The following FARP1 variants were observed in gnomAD, a reference collection of about 807,000 sequenced individuals.
The protein encoded by FARP1 is FERM, ARH/RhoGEF and pleckstrin domain protein 1.
FARP1 carries 52 observed loss-of-function variants against 128.8 expected under a neutral mutation model. The ratio of observed to expected loss-of-function variants is 0.40; its 90% confidence interval spans 0.32 to 0.51. FARP1 has a LOEUF of 0.51. Among genes scored for constraint, FARP1 ranks in the 20% least tolerant of loss-of-function variants. The probability of loss-of-function intolerance (pLI) is 0.45; values close to 1 mark genes in which losing one functional copy is unlikely to be tolerated. For synonymous variants in FARP1, 580 were observed against 551.8 expected, an observed-to-expected ratio of 1.05 and a Z score of -0.72; for missense variants, 1,333 against 1,367.9, an observed-to-expected ratio of 0.97 and a Z score of 0.40.
At chr13:98,425,507 G>C (rs1445809022) in intron 17 of FARP1, 1 of 152,498 alleles carries the variant, frequency 6.6e-6, no homozygotes, top group African/African-American at 2.4e-5. Context: ...CCATTCTCCT[G>C]CCTCAGCTTC....
At position 98,447,215 on chromosome 13, in the gene FARP1, G is replaced by C. The variant is rs114643063; in HGVS notation, c.3056+398G>C. On this transcript the variant is annotated intron_variant, in intron 26 of 26. Transcript: ENST00000319562. ...GTTCCTGCAATTCATATTTTGAATA[G>C]AGATCCTGGGCCTCTGCAAATTGCA... is the stretch of plus-strand genomic sequence containing the variant. 8.2e-3 allele frequency: 1,328 copies of C among 161,960 alleles called. 20 individuals are homozygous for C. The highest frequency in any genetic ancestry group is 0.03 in the African/African-American group (1,273 of 41,900). The allele number at this position is 161,960 out of a possible 1,614,324, so 10.0% of individuals were successfully genotyped here.
intron 1 of FARP1, among the ~76,000 whole-genome samples, chr13:98,203,388 G>T (rs1670316265): frequency 6.6e-6 from 1 of 152,160 alleles, no homozygotes; most frequent in South Asian, 2.1e-4. Context: ...AATTCTTTGT[G>T]CCCTTTGCTG....
chr13:98,346,840 G>C (rs7991914), intron 3 of FARP1, among the ~76,000 whole-genome samples: 16,180 of 152,234 alleles, frequency 0.11, 1,118 homozygotes, highest in African/African-American at 0.19. Flanking sequence ...AGGGTCTTGG[G>C]TGTGTTCTCT....
intron 7 of FARP1, 32 bp from the exon 8 acceptor site, chr13:98,385,635 C>T: frequency 4.3e-6 from 7 of 1,612,916 alleles, no homozygotes; most frequent in Non-Finnish European, 5.1e-6. Context: ...TTCAAATCTC[C>T]TGGCCTTTCT....
chr13:98,442,159 G>A (rs1231860651), intron 24 of FARP1, among the ~76,000 whole-genome samples: 2 of 152,220 alleles, frequency 1.3e-5, no homozygotes, highest in East Asian at 3.9e-4. Flanking sequence ...CTGCAGTCGA[G>A]GCAGGACTCC....
chr13:98,224,093 G>A (rs939056688), intron 2 of FARP1, among the ~76,000 whole-genome samples: 1 of 152,198 alleles, frequency 6.6e-6, no homozygotes, highest in Non-Finnish European at 1.5e-5. Context: ...AAGACTGAGT[G>A]TGTAAAGCAT....
chr13:98,373,310 A>C (rs577522555), intron 5 of FARP1, among the ~76,000 whole-genome samples: 1 of 152,300 alleles, frequency 6.6e-6, no homozygotes, highest in South Asian at 2.1e-4. Flanking sequence ...TTCAGAATGT[A>C]ATTTTAAAAC....
intron 1 of FARP1, among the ~76,000 whole-genome samples, chr13:98,185,659 T>C (rs960604596): frequency 2.7e-4 from 41 of 152,074 alleles, no homozygotes; most frequent in African/African-American, 9.6e-4. Flanking sequence ...TTTTTTTTTT[T>C]TGGCTGTGGT....
chr13:98,250,566 C>A (rs1406822240), intron 2 of FARP1, among the ~76,000 whole-genome samples: 1 of 151,894 alleles, frequency 6.6e-6, no homozygotes, highest in Non-Finnish European at 1.5e-5. Context: ...GCTAAAAATA[C>A]AAAAATTAGC....
intron 1 of FARP1, among the ~76,000 whole-genome samples, chr13:98,191,799 T>C (rs190567215): frequency 3.3e-5 from 5 of 152,202 alleles, no homozygotes; most frequent in African/African-American, 1.2e-4. Flanking sequence ...AAAAGTTAGC[T>C]GGGTGTGGTG....
Position 98,257,723 on chromosome 13 carries a change from T to C in FARP1, c.171+44310T>C, listed in dbSNP as rs148221863. Among the ~76,000 whole-genome samples the C allele has an allele frequency of 8.9e-3, 1,355 of 152,076 alleles. 25 individuals carry two copies. Among genetic ancestry groups the C allele is most frequent in the African/African-American group, 0.031 (1,297 of 41,472 alleles). On this transcript the variant is annotated intron_variant, in intron 2 of 26. Transcript: ENST00000319562. ...AGGCGGAGGTTGTAGTGAGCCGAGA[T>C]TGCACCACTGCACTCCAGCCTGGAT...
chr13:98,176,161 T>C lies in FARP1; in HGVS notation c.-24+32669T>C. Reference sequence around the variant, plus strand: ...CAGTGTACATACAGACTTGAGTCTTTCTTATCTCTTTTTTCCTAAAAGAAC... The same window carrying C: ...CAGTGTACATACAGACTTGAGTCTTCCTTATCTCTTTTTTCCTAAAAGAAC... On this transcript the variant is annotated intron_variant, in intron 1 of 26. Transcript: ENST00000319562. This position sits in a 1 kb window ranked among gnomAD's most constrained non-coding sequence, Gnocchi z 6.2. 6.2e-7 allele frequency: 1 copy of C among 1,608,836 alleles called. No individual in the cohort carries two copies. The highest frequency in any genetic ancestry group is 8.5e-7 in the Non-Finnish European group (1 of 1,175,544).
intron 2 of FARP1, among the ~76,000 whole-genome samples, chr13:98,313,109 T>TACACACACAC (rs10565192): frequency 7.2e-6 from 1 of 138,276 alleles, no homozygotes; most frequent in African/African-American, 2.7e-5. Context: ...TGGGTCATAA[T>TACACACACAC]ACACACACAC....
chr13:98,286,957 AT>A (rs1466231097), intron 2 of FARP1, among the ~76,000 whole-genome samples: 1 of 152,162 alleles, frequency 6.6e-6, no homozygotes, highest in Admixed American at 6.5e-5. Context: ...AGCCAATTTA[AT>A]TAAAAAACTC....
intron 2 of FARP1, chr13:98,341,115 C>T (rs9517261): frequency 0.16 from 23,668 of 149,560 alleles, 2,458 homozygotes; most frequent in Non-Finnish European, 0.24. Context: ...GCAGTGAGGG[C>T]GAATGTGGGG....
intron 2 of FARP1, among the ~76,000 whole-genome samples, chr13:98,265,982 A>T (rs1884095290): frequency 6.6e-6 from 1 of 152,158 alleles, no homozygotes; most frequent in African/African-American, 2.4e-5. Flanking sequence ...CCCAAGGGTG[A>T]TGTAGATCAT....
chr13:98,193,867 T>A (rs1879398740), intron 1 of FARP1, among the ~76,000 whole-genome samples: 1 of 152,244 alleles, frequency 6.6e-6, no homozygotes, highest in South Asian at 2.1e-4. Flanking sequence ...TGATCCTTGC[T>A]TCATTTCCTG....
At chr13:98,447,370 G>T (rs1381302546) in intron 26 of FARP1, 1 of 152,572 alleles carries the variant, frequency 6.6e-6, no homozygotes, top group Non-Finnish European at 1.5e-5. Flanking sequence ...GAACCTAGAG[G>T]AGAGCCATTC....
rs1880676984 is a variant in FARP1, at chr13:98,211,094, G to C, written c.-23-2126G>C. Among the ~76,000 whole-genome samples, 3 of 151,944 alleles carry C rather than the reference G, an allele frequency of 2.0e-5. No individual in the cohort carries two copies. The South Asian group carries it at 6.2e-4, about 32-fold the overall frequency. ...TCATTTTTCTGAAATTGTTGTTGTT[G>C]TGTTGTTACTCTTCCCTCAGTGGCT... is the stretch of plus-strand genomic sequence containing the variant. On this transcript the variant is annotated intron_variant, in intron 1 of 26. Transcript: ENST00000319562.
Sources: gnomAD v4.1 joint callset for allele counts (sites outside exome capture counted in the v4.1 genomes callset) on GRCh38, gnomAD v4.1.1 for gene constraint, Gnocchi (gnomAD v3.1) non-coding constraint, MANE v1.5 for transcripts, NCBI Gene and HGNC (gene_info 2026-07-23, HGNC 2026-07-21) for gene names.